Variants in MCTP2 observed in about 807,000 individuals in gnomAD.
MCTP2 encodes the protein multiple C2 and transmembrane domain-containing protein 2.
In MCTP2, 132 loss-of-function variants were observed where a neutral mutation model predicts 111.6. The observed-to-expected ratio is 1.18, with a 90% CI of 1.03 to 1.37. MCTP2 has a LOEUF of 1.37. MCTP2 is among the 40% of genes most tolerant of loss of function. The pLI is 0.00. For missense variants in MCTP2, 1,183 were observed against 1,067.9 expected (o/e 1.11, Z -1.50); for synonymous variants, 395 against 387.7 (o/e 1.02, Z -0.22).
intron 2 of MCTP2, among the ~76,000 whole-genome samples, chr15:94,313,687 T>G (rs1402379288): frequency 6.6e-6 from 1 of 151,016 alleles, no homozygotes; most frequent in Admixed American, 6.6e-5. Flanking sequence ...GGCGACAGAG[T>G]GAGACTCTGT....
chr15:94,264,352 T>A (rs1426905631), intron 1 of MCTP2, among the ~76,000 whole-genome samples: 1 of 152,134 alleles, frequency 6.6e-6, no homozygotes, highest in African/African-American at 2.4e-5. Flanking sequence ...CTCATGTCTG[T>A]AATCCCAGCA....
intron 8 of MCTP2, among the ~76,000 whole-genome samples, chr15:94,349,775 G>A (rs2078199775): frequency 6.9e-6 from 1 of 144,602 alleles, no homozygotes; most frequent in African/African-American, 2.6e-5. Context: ...AGCCGAGATC[G>A]CAGCACTGCA....
intron 4 of MCTP2, 146 bp downstream of exon 4, chr15:94,315,783 A>G (rs1056360892): frequency 6.5e-6 from 4 of 613,204 alleles, no homozygotes; most frequent in African/African-American, 5.5e-5. Flanking sequence ...GGTATAAGAC[A>G]TTTGCAGTGA....
At chr15:94,428,574 T>C (rs918412905) in intron 17 of MCTP2, among the ~76,000 whole-genome samples, 1 of 152,138 alleles carries the variant, frequency 6.6e-6, no homozygotes, top group Non-Finnish European at 1.5e-5. Context: ...ATTTTTTCTT[T>C]ATATATTGCT....
At chr15:94,314,367 A>G (rs766839991) in intron 3 of MCTP2, 23 bp downstream of exon 3, 1 of 1,550,544 alleles carries the variant, frequency 6.4e-7, no homozygotes, top group Non-Finnish European at 8.9e-7. Flanking sequence ...CCTTAAAAAG[A>G]AACATTAAAT....
At chr15:94,393,460 CACA>C (rs2152466695) in intron 14 of MCTP2, among the ~76,000 whole-genome samples, 1 of 152,132 alleles carries the variant, frequency 6.6e-6, no homozygotes, top group South Asian at 2.1e-4. Flanking sequence ...TTACAGCAAA[CACA>C]ACAATTTCAA....
At chr15:94,385,274 G>C in intron 13 of MCTP2, 149 bp from the exon 14 acceptor site, 1 of 537,908 alleles carries the variant, frequency 1.9e-6, no homozygotes, top group Non-Finnish European at 3.3e-6. Flanking sequence ...AATACAGTCA[G>C]TTTGATTTAA....
At chr15:94,367,826 T>C in intron 11 of MCTP2, 35 bp downstream of exon 11, 1 of 1,524,278 alleles carries the variant, frequency 6.6e-7, no homozygotes, top group South Asian at 1.2e-5. Context: ...CTCCCCCTCC[T>C]CCCACCTTCT....
intron 1 of MCTP2, among the ~76,000 whole-genome samples, chr15:94,242,956 TACACGTGTATATGTGTATCTACAC>T (rs2071106094): frequency 7.8e-6 from 1 of 128,940 alleles, no homozygotes; most frequent in African/African-American, 3.0e-5. Context: ...GATACACATA[TACACGTGTATATGTGTATCTACAC>T]ATACACGTGT....
At chr15:94,409,266 C>A (rs1213379574) in intron 17 of MCTP2, among the ~76,000 whole-genome samples, 2 of 152,120 alleles carry the variant, frequency 1.3e-5, no homozygotes, top group Non-Finnish European at 2.9e-5. Context: ...TGCCTCCTGC[C>A]CTTGAACATC....
intron 1 of MCTP2, among the ~76,000 whole-genome samples, chr15:94,270,097 G>A (rs1193449818): frequency 6.6e-6 from 1 of 152,140 alleles, no homozygotes; most frequent in African/African-American, 2.4e-5. Flanking sequence ...AAATGTATAT[G>A]ATGGTTTTTC....
chr15:94,242,341 C>G (rs551336593), intron 1 of MCTP2, among the ~76,000 whole-genome samples: 2 of 152,246 alleles, frequency 1.3e-5, no homozygotes, highest in East Asian at 3.9e-4. Flanking sequence ...TACATGTAGA[C>G]TGCCTTGCAC....
At chr15:94,378,218 G>C (rs1245825560) in intron 12 of MCTP2, among the ~76,000 whole-genome samples, 1 of 152,016 alleles carries the variant, frequency 6.6e-6, no homozygotes, top group Non-Finnish European at 1.5e-5. Context: ...GGGAAGTGGA[G>C]GTAGAAGAAG....
chr15:94,314,908 C>G (rs1417880810), intron 3 of MCTP2: 2 of 370,230 alleles, frequency 5.4e-6, no homozygotes, highest in Non-Finnish European at 5.3e-6. Flanking sequence ...AGAGTGGGTG[C>G]CAGAGAATGA....
At chr15:94,232,147 C>T (rs1312352555) in intron 1 of MCTP2, 1 of 152,208 alleles carries the variant, frequency 6.6e-6, no homozygotes, top group Non-Finnish European at 1.5e-5. Flanking sequence ...CAAACAGTGT[C>T]TCAATCCCAC....
intron 9 of MCTP2, among the ~76,000 whole-genome samples, chr15:94,357,953 A>G (rs993463159): frequency 2.0e-5 from 3 of 152,168 alleles, no homozygotes; most frequent in East Asian, 1.9e-4. Context: ...TCTTTCTCCA[A>G]TCCTAGTAAC....
At chr15:94,328,701 A>G (rs1039548167) in intron 4 of MCTP2, among the ~76,000 whole-genome samples, 5 of 152,154 alleles carry the variant, frequency 3.3e-5, no homozygotes, top group Admixed American at 3.3e-4. Flanking sequence ...GACTCTCTCT[A>G]TGTAACAAAT....
In MCTP2 at chr15:94,316,795, T is replaced by C. The variant is rs1050861827; in HGVS notation, c.637+1158T>C. Reference sequence around the variant, plus strand: ...TTTTTCTTTATGATATTTATTTATTTATTTGGTTCAGTAGCTGAGGCCTTT... The same window carrying C: ...TTTTTCTTTATGATATTTATTTATTCATTTGGTTCAGTAGCTGAGGCCTTT... On this transcript the variant is annotated intron_variant, in intron 4 of 22. Transcript: ENST00000357742. 2.0e-5 allele frequency among the ~76,000 whole-genome samples: 3 copies of C among 152,164 alleles called. No individual in the cohort carries two copies. The East Asian group carries it at 5.8e-4, about 29-fold the overall frequency.
At chr15:94,345,764 A>G (rs893382345) in intron 8 of MCTP2, among the ~76,000 whole-genome samples, 1 of 152,266 alleles carries the variant, frequency 6.6e-6, no homozygotes, top group African/African-American at 2.4e-5. Flanking sequence ...ATAAATGACT[A>G]AATGTGAAAA....
Sources: gnomAD v4.1 joint callset for allele counts (sites outside exome capture counted in the v4.1 genomes callset) on GRCh38, gnomAD v4.1.1 for gene constraint, MANE v1.5 for transcripts, NCBI Gene and HGNC (gene_info 2026-07-23, HGNC 2026-07-21) for gene names.